Variants in ENG observed in about 807,000 individuals in gnomAD.
The protein encoded by ENG is endoglin.
ENG carries 17 observed loss-of-function variants against 71.0 expected under a neutral mutation model. The ratio of observed to expected loss-of-function variants is 0.24; its 90% CI spans 0.16 to 0.36. The LOEUF is 0.36. ENG is among the 10% of genes least tolerant of loss of function. The pLI, the probability that ENG is intolerant of heterozygous loss-of-function variation, is 1.00. For synonymous variants in ENG, 360 were observed against 366.9 expected (o/e 0.98, Z 0.21); for missense variants, 749 against 868.3 (o/e 0.86, Z 1.73).
At chr9:127,852,419 T>C (rs1829050867) in intron 1 of ENG, among the ~76,000 whole-genome samples, 1 of 152,142 alleles carries the variant, frequency 6.6e-6, no homozygotes, top group Non-Finnish European at 1.5e-5. Context: ...CCCCTCTGCC[T>C]TCCATGGGCC....
chr9:127,837,501 ACTCATTTG>A (rs1353289213), intron 2 of ENG, among the ~76,000 whole-genome samples: 1 of 151,580 alleles, frequency 6.6e-6, no homozygotes, highest in African/African-American at 2.4e-5. Context: ...CACCTCTCCA[ACTCATTTG>A]CCTGTCTGAG....
chr9:127,827,979 A>G (rs1830664319), intron 3 of ENG, among the ~76,000 whole-genome samples: 1 of 138,502 alleles, frequency 7.2e-6, no homozygotes, highest in Non-Finnish European at 1.5e-5. Flanking sequence ...AGATGGGGCC[A>G]TTGCACTCCA....
At position 127,825,348 on chromosome 9, in the gene ENG, C is replaced by T. The variant is rs779339363; in HGVS notation, c.699G>A (p.Thr233=). The change falls in exon 6 of 15, where the codon ACG becomes ACA. Residue 233 remains threonine, a synonymous_variant. Transcript: ENST00000373203. ...AGCTCAGTTCCACCTTCACCGTCAC[C>T]GTCCGGGGCCTGCGGGGAGACAGAC... ...VLPGHSAGPR[T]VTVKVELSCA... is the part of the protein sequence containing the mutation. The T allele has an allele frequency of 2.2e-5, 36 of 1,610,208 alleles. No homozygotes were observed. Among genetic ancestry groups the T allele is most frequent in the South Asian group, 8.8e-5 (8 of 90,894 alleles).
At chr9:127,844,539 C>T (rs1831126075) in intron 1 of ENG, among the ~76,000 whole-genome samples, 1 of 152,108 alleles carries the variant, frequency 6.6e-6, no homozygotes, top group African/African-American at 2.4e-5. Flanking sequence ...AAGTGATCCT[C>T]CCACCTCGGC....
chr9:127,853,556 C>T (rs1320943832), intron 1 of ENG, among the ~76,000 whole-genome samples: 6 of 152,172 alleles, frequency 3.9e-5, no homozygotes, highest in Non-Finnish European at 7.4e-5. Context: ...CACAGAACCC[C>T]TAACCTGGCC....
At chr9:127,815,894 G>C (rs1312975845) in intron 14 of ENG, 49 bp downstream of exon 14, 1 of 1,571,352 alleles carries the variant, frequency 6.4e-7, no homozygotes, top group Non-Finnish European at 8.6e-7. Context: ...GCTCCCCCGG[G>C]TGGATGGAGG....
intron 8 of ENG, 78 bp downstream of exon 8, chr9:127,824,226 G>T: frequency 6.2e-7 from 1 of 1,602,530 alleles, no homozygotes; most frequent in Non-Finnish European, 8.5e-7. Context: ...GCCTGGGCTA[G>T]GACCCCAAGA....
intron 8 of ENG, among the ~76,000 whole-genome samples, chr9:127,824,058 A>AT (rs1261062537): frequency 6.6e-6 from 1 of 152,170 alleles, no homozygotes; most frequent in African/African-American, 2.4e-5. Flanking sequence ...TAGTGCTGGC[A>AT]TTATTTACTA....
chr9:127,842,609 G>A (rs1831065002), intron 2 of ENG, among the ~76,000 whole-genome samples: 1 of 152,008 alleles, frequency 6.6e-6, no homozygotes, highest in South Asian at 2.1e-4. Context: ...ATTTTTAGTA[G>A]AGATGGGGTT....
intron 5 of ENG, 77 bp downstream of exon 5, chr9:127,825,618 G>A (rs1304565760): frequency 9.1e-6 from 12 of 1,325,268 alleles, no homozygotes; most frequent in East Asian, 8.2e-5. Context: ...ATAAGGGACC[G>A]GAGAGGGGGC....
intron 14 of ENG, 25 bp downstream of exon 14, chr9:127,815,918 C>G (rs1330057475): frequency 6.3e-7 from 1 of 1,585,820 alleles, no homozygotes; most frequent in East Asian, 2.3e-5. Flanking sequence ...CCGGCATGCT[C>G]ACTGTGGGGG....
At chr9:127,817,840 G>A (rs1256963950) in intron 12 of ENG, 4 of 556,456 alleles carry the variant, frequency 7.2e-6, no homozygotes, top group African/African-American at 1.9e-5. Context: ...GAGGGTGGAT[G>A]GATGGATGGA....
At chr9:127,824,177 G>A in intron 8 of ENG, 127 bp downstream of exon 8, 1 of 1,375,070 alleles carries the variant, frequency 7.3e-7, no homozygotes, top group African/African-American at 1.4e-5. Context: ...ATACAAGTGG[G>A]AAAACTAAGG....
intron 1 of ENG, among the ~76,000 whole-genome samples, chr9:127,853,033 T>C (rs1829068199): frequency 6.6e-6 from 1 of 152,042 alleles, no homozygotes; most frequent in African/African-American, 2.4e-5. Context: ...TTCTCTTCTG[T>C]AAAATGGGGA....
Position 127,838,227 on chromosome 9 carries a change from T to C in ENG, c.219+4867A>G, listed in dbSNP as rs1268037352. ...CCCTGAGAGGAGGCTCAGAGCCATTTGGGATTTTGGGGTCCTGGGTACCCA... is the reference window on the plus strand; with the variant it reads ...CCCTGAGAGGAGGCTCAGAGCCATTCGGGATTTTGGGGTCCTGGGTACCCA... On this transcript the variant is annotated intron_variant, in intron 2 of 14. Transcript: ENST00000373203. The surrounding 1 kb of genome is among the most constrained non-coding windows in gnomAD (Gnocchi z 4.3). Among the ~76,000 whole-genome samples the C allele has an allele frequency of 2.6e-5, 4 of 152,092 alleles. No individual in the cohort carries two copies. Among genetic ancestry groups the C allele is most frequent in the Admixed American group, 6.5e-5 (1 of 15,268 alleles).
chr9:127,824,077 C>G (rs568777436), intron 8 of ENG, among the ~76,000 whole-genome samples: 20 of 152,320 alleles, frequency 1.3e-4, no homozygotes, highest in African/African-American at 4.6e-4. Flanking sequence ...TAAGCACTTA[C>G]TATGTACCAC....
At chr9:127,848,158 G>C (rs1295474400) in intron 1 of ENG, among the ~76,000 whole-genome samples, 1 of 152,150 alleles carries the variant, frequency 6.6e-6, no homozygotes, top group East Asian at 1.9e-4. Context: ...TCAGGAACTG[G>C]TGACTACTAT....
At chr9:127,818,938 C>CTA in intron 10 of ENG, 106 bp from the exon 11 acceptor site, 1 of 880,974 alleles carries the variant, frequency 1.1e-6, no homozygotes, top group Non-Finnish European at 1.8e-6. Context: ...TTGCCTGACT[C>CTA]TCTTTTTTTT....
chr9:127,852,848 A>G (rs1829062916), intron 1 of ENG, among the ~76,000 whole-genome samples: 1 of 152,144 alleles, frequency 6.6e-6, no homozygotes, highest in African/African-American at 2.4e-5. Flanking sequence ...ATTCAGCAGC[A>G]TATCACTGCC....
Sources: gnomAD v4.1 joint callset for allele counts (sites outside exome capture counted in the v4.1 genomes callset) on GRCh38, gnomAD v4.1.1 for gene constraint, Gnocchi (gnomAD v3.1) non-coding constraint, MANE v1.5 for transcripts, NCBI Gene and HGNC (gene_info 2026-07-23, HGNC 2026-07-21) for gene names.